Variants in PIWIL2 observed in about 807,000 individuals in gnomAD.
The protein encoded by PIWIL2 is piwi-like protein 2.
A neutral mutation model predicts 116.5 loss-of-function variants in PIWIL2; 81 were observed. That is an observed-to-expected ratio of 0.70 (90% CI 0.58 to 0.84). PIWIL2 has a LOEUF of 0.84. Ranked by LOEUF, PIWIL2 falls within the 40% of genes least tolerant of loss-of-function variation. The pLI is 0.00. For missense variants in PIWIL2, 1,272 were observed against 1,212.3 expected (o/e 1.05, Z -0.73); for synonymous variants, 489 against 429.5 (o/e 1.14, Z -1.71).
At chr8:22,292,869 C>T (rs1563360469) in intron 10 of PIWIL2, among the ~76,000 whole-genome samples, 1 of 152,162 alleles carries the variant, frequency 6.6e-6, no homozygotes, top group South Asian at 2.1e-4. Flanking sequence ...CTCAGAAAGT[C>T]AGATAAAGAT....
At chr8:22,288,719 A>G (rs1173691050) in intron 8 of PIWIL2, 53 bp downstream of exon 8, 5 of 1,500,206 alleles carry the variant, frequency 3.3e-6, no homozygotes, top group East Asian at 4.5e-5. Flanking sequence ...TTGTATTTAC[A>G]GTAATGTTCT....
At chr8:22,348,439 C>G (rs1160994664) in intron 20 of PIWIL2, among the ~76,000 whole-genome samples, 1 of 151,926 alleles carries the variant, frequency 6.6e-6, no homozygotes, top group Non-Finnish European at 1.5e-5. Context: ...CCTAACTGAC[C>G]CTTGCCCCTC....
At chr8:22,321,334 A>G (rs1327311368) in intron 20 of PIWIL2, among the ~76,000 whole-genome samples, 1 of 151,952 alleles carries the variant, frequency 6.6e-6, no homozygotes, top group Non-Finnish European at 1.5e-5. Flanking sequence ...GCTGGTCTGG[A>G]ACTCCTGGGC....
At chr8:22,333,622 A>C (rs963107115) in intron 20 of PIWIL2, among the ~76,000 whole-genome samples, 2 of 152,056 alleles carry the variant, frequency 1.3e-5, no homozygotes, top group Non-Finnish European at 2.9e-5. Flanking sequence ...CAAAAAACAA[A>C]CAAAAAAAAT....
chr8:22,328,070 A>G (rs540432407), intron 20 of PIWIL2, among the ~76,000 whole-genome samples: 15 of 152,038 alleles, frequency 9.9e-5, no homozygotes, highest in African/African-American at 3.4e-4. Context: ...TTTTCTAACA[A>G]TGTTATACTT....
At chr8:22,344,672 G>T (rs1832184905) in intron 20 of PIWIL2, among the ~76,000 whole-genome samples, 1 of 152,058 alleles carries the variant, frequency 6.6e-6, no homozygotes, top group African/African-American at 2.4e-5. Context: ...GTTTGAGACT[G>T]CCTGGGCCAC....
chr8:22,316,841 G>A lies in PIWIL2; in HGVS notation c.2297+508G>A, dbSNP rs552900933. On this transcript the variant is annotated intron_variant, in intron 19 of 22. Coordinates refer to ENST00000356766, the MANE Select transcript of PIWIL2 (RefSeq NM_018068.5). Reference sequence around the variant, plus strand: ...AGACTGGGATTTACTCCACTGGAGTGCAGTGGCATGATCACAGCTCACTGC... The same window carrying A: ...AGACTGGGATTTACTCCACTGGAGTACAGTGGCATGATCACAGCTCACTGC... 2.0e-5 allele frequency among the ~76,000 whole-genome samples: 3 copies of A among 151,244 alleles called. No individual in the cohort carries two copies. The South Asian group carries it at 6.3e-4, about 32-fold the overall frequency.
intron 16 of PIWIL2, among the ~76,000 whole-genome samples, chr8:22,312,074 G>A (rs1831345860): frequency 6.6e-6 from 1 of 151,866 alleles, no homozygotes; most frequent in African/African-American, 2.4e-5. Flanking sequence ...GACCAGCCTG[G>A]GCAACCTGGC....
chr8:22,343,427 C>G (rs1427016167), intron 20 of PIWIL2, among the ~76,000 whole-genome samples: 1 of 150,716 alleles, frequency 6.6e-6, no homozygotes, highest in Non-Finnish European at 1.5e-5. Flanking sequence ...AAGAGCGAAA[C>G]TCCATCTCAA....
intron 7 of PIWIL2, 53 bp downstream of exon 7, chr8:22,287,698 G>T: frequency 1.7e-6 from 2 of 1,169,910 alleles, no homozygotes; most frequent in South Asian, 2.4e-5. Flanking sequence ...GTGCTCTGGC[G>T]TTTTTTGTTT....
intron 20 of PIWIL2, among the ~76,000 whole-genome samples, chr8:22,326,427 T>A (rs889684841): frequency 2.0e-5 from 3 of 151,990 alleles, no homozygotes; most frequent in Non-Finnish European, 4.4e-5. Context: ...GGGGCTGAGG[T>A]AAGAGGATCT....
intron 20 of PIWIL2, among the ~76,000 whole-genome samples, chr8:22,347,203 C>T (rs922347178): frequency 1.4e-5 from 2 of 147,616 alleles, no homozygotes; most frequent in East Asian, 2.0e-4. Flanking sequence ...AAATTCAGCA[C>T]ATTAACATAA....
At chr8:22,275,822 A>C (rs1830353122) in intron 1 of PIWIL2, 1 of 152,366 alleles carries the variant, frequency 6.6e-6, no homozygotes, top group Admixed American at 6.5e-5. Context: ...CGAGGGAGGC[A>C]GGCCCAGCCC....
Position 22,281,485 on chromosome 8 carries a change from A to G in PIWIL2, c.395A>G (p.Lys132Arg). 1 of 1,592,790 alleles carries G rather than the reference A, an allele frequency of 6.3e-7. No homozygotes were observed. Among genetic ancestry groups the G allele is most frequent in the South Asian group, 1.2e-5 (1 of 86,956 alleles). ...DPKVLAAGDS[K>R]MAETSVGWSR... is the part of the protein sequence containing the mutation. ...AAAGTGTTGGCGGCTGGGGACAGCA[A>G]GATGGCAGAGACCTCCGTTGGTTGG... is the stretch of plus-strand genomic sequence containing the variant. Residue 132 changes from lysine (K) to arginine (R), a missense_variant, in exon 4 of 23, where the codon AAG becomes AGG. Physicochemically the swap from Lys to Arg is conservative, Grantham distance 26. Coordinates refer to ENST00000356766, the MANE Select transcript of PIWIL2 (RefSeq NM_018068.5).
intron 20 of PIWIL2, among the ~76,000 whole-genome samples, chr8:22,322,440 A>G (rs1831620960): frequency 6.6e-6 from 1 of 151,320 alleles, no homozygotes; most frequent in Admixed American, 6.6e-5. Context: ...TTGTAGAGAC[A>G]GAGGGTCACT....
intron 10 of PIWIL2, among the ~76,000 whole-genome samples, chr8:22,302,203 G>A (rs1414384537): frequency 6.6e-6 from 1 of 151,354 alleles, no homozygotes; most frequent in Non-Finnish European, 1.5e-5. Flanking sequence ...TTTTTTTTGA[G>A]ATGGGGTCTC....
rs1831323917 is a variant in PIWIL2, at chr8:22,311,268, G to A, written c.1957G>A (p.Val653Ile). 2 of 1,613,568 alleles carry A rather than the reference G, an allele frequency of 1.2e-6. No individual in the cohort carries two copies. The highest frequency in any genetic ancestry group is 1.7e-6 in the Non-Finnish European group (2 of 1,179,852). Residue 653 changes from valine to isoleucine, a missense_variant, in exon 16 of 23, where the codon GTC becomes ATC. Physicochemically the swap from Val to Ile is conservative, Grantham distance 29. Coordinates refer to ENST00000356766, the MANE Select transcript of PIWIL2 (RefSeq NM_018068.5). ...AAAGGATGACCGAATAGAGACTTATGTCAGAACCATTCAATCCACGTTAGG... is the reference window on the plus strand; with the variant it reads ...AAAGGATGACCGAATAGAGACTTATATCAGAACCATTCAATCCACGTTAGG... ...ELKDDRIETY[V>I]RTIQSTLGAE...
chr8:22,290,775 A>G (rs1830743426), intron 10 of PIWIL2, among the ~76,000 whole-genome samples: 1 of 151,880 alleles, frequency 6.6e-6, no homozygotes, highest in Non-Finnish European at 1.5e-5. Flanking sequence ...TAGTTGTAGA[A>G]TAACTGAACT....
At chr8:22,280,978 TA>T in intron 2 of PIWIL2, 141 bp from the exon 3 acceptor site, 1 of 563,770 alleles carries the variant, frequency 1.8e-6, no homozygotes, top group Non-Finnish European at 3.1e-6. Flanking sequence ...AGGTATTTTT[TA>T]AAGTTTATAA....
Sources: gnomAD v4.1 joint callset for allele counts (sites outside exome capture counted in the v4.1 genomes callset) on GRCh38, gnomAD v4.1.1 for gene constraint, MANE v1.5 for transcripts, NCBI Gene and HGNC (gene_info 2026-07-23, HGNC 2026-07-21) for gene names.